WWC1: variants seen among roughly 807,000 people sequenced by gnomAD.
WWC1 encodes the protein WW and C2 domain containing 1.
WWC1 carries 55 observed loss-of-function variants against 138.4 expected under a neutral mutation model. The ratio of observed to expected loss-of-function variants is 0.40; its 90% CI spans 0.32 to 0.50. The LOEUF (loss-of-function observed/expected upper bound fraction) is 0.50. Ranked by LOEUF, WWC1 falls within the 20% of genes least tolerant of loss-of-function variation. The probability of loss-of-function intolerance (pLI) is 0.72; values close to 1 mark genes in which losing one functional copy is unlikely to be tolerated. For missense variants in WWC1, 1,226 were observed against 1,420.4 expected, an observed-to-expected ratio of 0.86 and a Z score of 2.20; for synonymous variants, 524 against 564.9, an observed-to-expected ratio of 0.93 and a Z score of 1.03.
chr5:168,449,305 C>T (rs900242174), intron 17 of WWC1, among the ~76,000 whole-genome samples: 14 of 152,124 alleles, frequency 9.2e-5, no homozygotes, highest in African/African-American at 3.1e-4. Context: ...AAGAGACTCC[C>T]GTAATGGTTG....
intron 1 of WWC1, among the ~76,000 whole-genome samples, chr5:168,367,533 G>GTGTTAGCCTGGA (rs56106034): frequency 6.9e-6 from 1 of 144,136 alleles, no homozygotes; most frequent in African/African-American, 2.5e-5. Context: ...GGGTTTCACC[G>GTGTTAGCCTGGA]TGGTCTCGAT....
intron 17 of WWC1, among the ~76,000 whole-genome samples, chr5:168,450,951 A>G (rs940590318): frequency 2.1e-4 from 32 of 152,322 alleles, no homozygotes; most frequent in East Asian, 1.7e-3. Flanking sequence ...AAGGATTCAT[A>G]GCGCAAATAT....
intron 9 of WWC1, among the ~76,000 whole-genome samples, chr5:168,421,059 C>T (rs747766140): frequency 1.3e-5 from 2 of 152,134 alleles, no homozygotes; most frequent in African/African-American, 4.8e-5. Flanking sequence ...CTTCATACAA[C>T]GGGTTTATTT....
Position 168,292,626 on chromosome 5 carries a change from T to C in WWC1, c.119+355T>C, listed in dbSNP as rs62385602. Among the ~76,000 whole-genome samples the C allele has an allele frequency of 0.033, 5,063 of 151,860 alleles. 111 individuals carry two copies. The highest frequency in any genetic ancestry group is 0.095 in the South Asian group (455 of 4,794). ...GGGGGCGGGGGTTGGGGGAGCGACC[T>C]AGCCGGGTGAAGCCGGGTCTTCCCG... On this transcript the variant is annotated intron_variant, in intron 1 of 22. Transcript: ENST00000265293. This position sits in a 1 kb window ranked among gnomAD's most constrained non-coding sequence, Gnocchi z 4.4.
At chr5:168,436,979 T>G (rs1485911778) in intron 15 of WWC1, among the ~76,000 whole-genome samples, 1 of 152,224 alleles carries the variant, frequency 6.6e-6, no homozygotes, top group Non-Finnish European at 1.5e-5. Flanking sequence ...ACCTGTGTCC[T>G]TTGCCTGGCC....
intron 3 of WWC1, among the ~76,000 whole-genome samples, chr5:168,385,666 A>T (rs1273720714): frequency 6.6e-6 from 1 of 152,176 alleles, no homozygotes; most frequent in Non-Finnish European, 1.5e-5. Flanking sequence ...CTCATTTAAA[A>T]GCTTTCAGGG....
intron 1 of WWC1, among the ~76,000 whole-genome samples, chr5:168,355,975 G>A (rs1032846555): frequency 2.0e-5 from 3 of 152,226 alleles, no homozygotes; most frequent in African/African-American, 4.8e-5. Flanking sequence ...GATTCTCTTG[G>A]GGGGGCTGTG....
chr5:168,447,154 G>A (rs1012142180), intron 17 of WWC1, among the ~76,000 whole-genome samples: 2 of 152,144 alleles, frequency 1.3e-5, no homozygotes, highest in African/African-American at 2.4e-5. Context: ...TATGTCATGG[G>A]GTATTTTGCA....
intron 10 of WWC1, 39 bp downstream of exon 10, chr5:168,422,136 T>C (rs755270090): frequency 1.3e-6 from 2 of 1,592,406 alleles, no homozygotes; most frequent in Admixed American, 1.7e-5. Context: ...CCCCTGGGCA[T>C]GGCCAGACAT....
At chr5:168,387,865 T>C (rs1197543251) in intron 3 of WWC1, among the ~76,000 whole-genome samples, 2 of 152,202 alleles carry the variant, frequency 1.3e-5, no homozygotes, top group Non-Finnish European at 2.9e-5. Context: ...AAGGGAGATG[T>C]TATTGTCCCT....
intron 5 of WWC1, among the ~76,000 whole-genome samples, chr5:168,401,868 A>G (rs2152833096): frequency 6.6e-6 from 1 of 152,306 alleles, no homozygotes; most frequent in South Asian, 2.1e-4. Context: ...ATAAGCTTAG[A>G]AAATGCCTAT....
chr5:168,433,320 C>G (rs1466587323), intron 15 of WWC1, among the ~76,000 whole-genome samples: 1 of 152,232 alleles, frequency 6.6e-6, no homozygotes, highest in Non-Finnish European at 1.5e-5. Flanking sequence ...CCAGGTGAGG[C>G]CAATGCTGCT....
intron 1 of WWC1, among the ~76,000 whole-genome samples, chr5:168,343,509 G>A (rs1774216757): frequency 6.6e-6 from 1 of 152,160 alleles, no homozygotes; most frequent in African/African-American, 2.4e-5. Context: ...AGAGCTGGTT[G>A]CAAAGGAGGG....
At position 168,423,149 on chromosome 5, in the gene WWC1, C is replaced by CAAAAAA. The variant is rs773855632; in HGVS notation, c.1275-366_1275-361dup. On this transcript the variant is annotated intron_variant, in intron 10 of 22. Transcript: ENST00000265293. Reference sequence around the variant, plus strand: ...GACAGAGCAAGACTCCATCCCCCCCCAAAAAAAAAAAAAAAAAAAAAAACA... The same window carrying CAAAAAA: ...GACAGAGCAAGACTCCATCCCCCCCCAAAAAAAAAAAAAAAAAAAAAAAAAAAAACA... Among the ~76,000 whole-genome samples the CAAAAAA allele has an allele frequency of 3.6e-4, 26 of 71,304 alleles. 2 individuals are homozygous for CAAAAAA. The highest frequency in any genetic ancestry group is 8.7e-4 in the East Asian group (2 of 2,308). 46.8% of individuals were successfully genotyped at this position (71,304 alleles called of 152,430 possible). A position where few individuals can be genotyped will look rare whatever the true frequency, so the allele number is the denominator to read the frequency against.
intron 3 of WWC1, among the ~76,000 whole-genome samples, chr5:168,391,399 G>A (rs1582132653): frequency 6.6e-6 from 1 of 152,110 alleles, no homozygotes; most frequent in Non-Finnish European, 1.5e-5. Flanking sequence ...GGTGGCTCAC[G>A]CCTGTAATCC....
intron 20 of WWC1, among the ~76,000 whole-genome samples, chr5:168,462,265 G>A (rs1756885954): frequency 1.3e-5 from 2 of 151,982 alleles, no homozygotes; most frequent in Admixed American, 6.5e-5. Flanking sequence ...GCAACACAGG[G>A]GAGGCTACAC....
chr5:168,401,657 A>G (rs1180713791), intron 5 of WWC1, among the ~76,000 whole-genome samples: 3 of 152,210 alleles, frequency 2.0e-5, no homozygotes, highest in Non-Finnish European at 4.4e-5. Context: ...ATTGTATGTA[A>G]TTTTTGTGTC....
chr5:168,410,459 C>G (rs530469989), intron 8 of WWC1, among the ~76,000 whole-genome samples: 2 of 152,252 alleles, frequency 1.3e-5, no homozygotes, highest in African/African-American at 4.8e-5. Flanking sequence ...TGTGGCTTCA[C>G]AGAATCCTAA....
chr5:168,434,306 A>G (rs1782175925), intron 15 of WWC1, among the ~76,000 whole-genome samples: 1 of 152,142 alleles, frequency 6.6e-6, no homozygotes, highest in Non-Finnish European at 1.5e-5. Context: ...CGGTGGGGAC[A>G]TGGAGTGTCA....
Sources: gnomAD v4.1 joint callset for allele counts (sites outside exome capture counted in the v4.1 genomes callset) on GRCh38, gnomAD v4.1.1 for gene constraint, Gnocchi (gnomAD v3.1) non-coding constraint, MANE v1.5 for transcripts, NCBI Gene and HGNC (gene_info 2026-07-23, HGNC 2026-07-21) for gene names.